GALC: variants seen among roughly 807,000 people sequenced by gnomAD.
GALC encodes galactocerebrosidase.
GALC carries 77 observed loss-of-function variants against 91.8 expected under a neutral mutation model. That is an observed-to-expected ratio of 0.84 (90% CI 0.70 to 1.01). The LOEUF (loss-of-function observed/expected upper bound fraction) is 1.01. Ranked by LOEUF, GALC falls within the 50% of genes least tolerant of loss-of-function variation. The probability of loss-of-function intolerance (pLI) is 0.00; values close to 1 mark genes in which losing one functional copy is unlikely to be tolerated. For missense variants in GALC, 882 were observed against 855.9 expected, an observed-to-expected ratio of 1.03 and a Z score of -0.38; for synonymous variants, 357 against 306.7, an observed-to-expected ratio of 1.16 and a Z score of -1.71.
chr14:87,960,911 CA>C (rs1885775610), intron 10 of GALC, among the ~76,000 whole-genome samples: 1 of 152,016 alleles, frequency 6.6e-6, no homozygotes, highest in African/African-American at 2.4e-5. Flanking sequence ...TTGAATTAGG[CA>C]ATAGCTTCTT....
At chr14:87,955,275 C>T (rs17686916) in intron 10 of GALC, 90,689 of 733,604 alleles carry the variant, frequency 0.12, 6,462 homozygotes, top group Non-Finnish European at 0.15. Context: ...AGTAAATAAA[C>T]GATAGGGTTT....
At chr14:87,981,012 C>A (rs1193642953) in intron 6 of GALC, among the ~76,000 whole-genome samples, 1 of 152,140 alleles carries the variant, frequency 6.6e-6, no homozygotes, top group African/African-American at 2.4e-5. Context: ...GGTAGATACC[C>A]AGTAGCAGGA....
intron 10 of GALC, among the ~76,000 whole-genome samples, chr14:87,963,119 T>C (rs1885878847): frequency 6.6e-6 from 1 of 152,082 alleles, no homozygotes; most frequent in Non-Finnish European, 1.5e-5. Context: ...TCCACAAATA[T>C]TGGTACACAG....
intron 10 of GALC, chr14:87,955,056 C>T: frequency 7.4e-7 from 1 of 1,343,812 alleles, no homozygotes; most frequent in East Asian, 2.3e-5. Context: ...TGTTACACTC[C>T]TTGTCGGCAG....
Position 87,954,620 on chromosome 14 carries a change from T to C in GALC, c.1162-3872A>G, listed in dbSNP as rs369890475. 2.1e-5 allele frequency: 33 copies of C among 1,589,504 alleles called. 3 individuals carry two copies. Among genetic ancestry groups the C allele is most frequent in the Middle Eastern group, 3.4e-4 (2 of 5,922 alleles). ...AAGTGCACCTTCCTTTTGGAAGATA[T>C]CAGACTTAGCAACCCACCTAGAGGA... On this transcript the variant is annotated intron_variant, in intron 10 of 16. Coordinates refer to ENST00000261304, the MANE Select transcript of GALC (RefSeq NM_000153.4).
intron 7 of GALC, among the ~76,000 whole-genome samples, chr14:87,971,350 C>T (rs1290969898): frequency 6.6e-6 from 1 of 152,152 alleles, no homozygotes; most frequent in East Asian, 1.9e-4. Context: ...AAGATGGGAA[C>T]ATCTTCACAG....
chr14:87,939,778 C>A (rs1884755318), intron 16 of GALC, 127 bp downstream of exon 16: 10 of 781,584 alleles, frequency 1.3e-5, no homozygotes, highest in Non-Finnish European at 1.8e-5. Flanking sequence ...CTTCCCGGCA[C>A]CAAGGCAGAT....
intron 16 of GALC, 89 bp downstream of exon 16, chr14:87,939,816 A>G (rs1884758031): frequency 1.1e-6 from 1 of 948,644 alleles, no homozygotes. Context: ...TATATGTCAC[A>G]CTTTCCCCCT....
chr14:87,941,387 T>G lies in GALC; in HGVS notation c.1834+8A>C. 2 of 1,519,648 alleles carry G rather than the reference T, an allele frequency of 1.3e-6. No homozygotes were observed. Among genetic ancestry groups the G allele is most frequent in the Admixed American group, 2.0e-5 (1 of 50,374 alleles). The allele number at this position is 1,519,648 out of a possible 1,614,324, so 94.1% of individuals were successfully genotyped here. A position where few individuals can be genotyped will look rare whatever the true frequency, so the allele number is the denominator to read the frequency against. The stretch of plus-strand genomic sequence containing the variant: ...CATATGCTATTAAAAAAAAAAAAAG[T>G]CAGTTACCTAAATCACCTGTAACCC... On this transcript the variant is annotated splice_region_variant and intron_variant, in intron 15 of 16. Transcript: ENST00000261304.
chr14:87,947,790 C>T lies in GALC; in HGVS notation c.1427G>A (p.Ser476Asn), dbSNP rs1414873125. 2.5e-6 allele frequency: 4 copies of T among 1,612,842 alleles called. No homozygotes were observed. The highest frequency in any genetic ancestry group is 3.4e-6 in the Non-Finnish European group (4 of 1,179,292). The change falls in exon 13 of 17, where the codon AGC (serine) becomes AAC (asparagine). Residue 476 changes from serine to asparagine, a missense_variant. Physicochemically the swap from Ser to Asn is conservative, Grantham distance 46. Coordinates refer to ENST00000261304, the MANE Select transcript of GALC (RefSeq NM_000153.4). ...LTTLTTGRKG[S>N]YPLPPKSQPF... ...CTGGGATTTTGGAGGAAGCGGGTAG[C>T]TGCCTTTGCGACCAGTGGTGAGAGT...
Position 87,934,568 on chromosome 14 carries a change from T to G in GALC, c.*164A>C. On this transcript the variant is annotated 3_prime_UTR_variant, in exon 17 of 17. Coordinates refer to ENST00000261304, the MANE Select transcript of GALC (RefSeq NM_000153.4). Reference sequence around the variant, plus strand: ...CCTTGGAATTAATTCTAATAAAATCTTCCACAGGGTAAATTAAAAATAAAT... The same window carrying G: ...CCTTGGAATTAATTCTAATAAAATCGTCCACAGGGTAAATTAAAAATAAAT... 1.4e-6 allele frequency: 2 copies of G among 1,480,394 alleles called. No homozygotes were observed. The highest frequency in any genetic ancestry group is 2.7e-5 in the South Asian group (2 of 73,948). 91.7% of individuals were successfully genotyped at this position (1,480,394 alleles called of 1,614,324 possible).
chr14:87,937,639 T>C (rs192204777), intron 16 of GALC, among the ~76,000 whole-genome samples: 45 of 151,700 alleles, frequency 3.0e-4, no homozygotes, highest in Non-Finnish European at 5.2e-4. Context: ...AGTGGCTGTA[T>C]CAGAAGTACA....
At position 87,934,163 on chromosome 14, in the gene GALC, A is replaced by G. The variant is rs547899594; in HGVS notation, c.*569T>C. 118 of 1,411,268 alleles carry G rather than the reference A, an allele frequency of 8.4e-5. No homozygotes were observed. The highest frequency in any genetic ancestry group is 1.0e-4 in the Non-Finnish European group (113 of 1,086,654). The allele number at this position is 1,411,268 out of a possible 1,614,324, so 87.4% of individuals were successfully genotyped here. A position where few individuals can be genotyped will look rare whatever the true frequency, so the allele number is the denominator to read the frequency against. On this transcript the variant is annotated 3_prime_UTR_variant, in exon 17 of 17. Transcript: ENST00000261304. ...AGGCATTTTTAAAATCATCCCACTC[A>G]TCATATCCTGCATTTCAAAAGTATC...
Position 87,955,291 on chromosome 14 carries a change from T to C in GALC, c.1162-4543A>G, listed in dbSNP as rs1885484073. 4.6e-6 allele frequency: 3 copies of C among 654,584 alleles called. No homozygotes were observed. The South Asian group carries it at 5.5e-5, about 12-fold the overall frequency. 40.5% of individuals were successfully genotyped at this position (654,584 alleles called of 1,614,324 possible). ...GTAAATAAACGATAGGGTTTTTGCT[T>C]TGGATTTTTTATTAAATACATTTTA... On this transcript the variant is annotated intron_variant, in intron 10 of 16. Coordinates refer to ENST00000261304, the MANE Select transcript of GALC (RefSeq NM_000153.4).
At chr14:87,937,782 CA>C (rs1204596406) in intron 16 of GALC, among the ~76,000 whole-genome samples, 2 of 151,328 alleles carry the variant, frequency 1.3e-5, no homozygotes, top group African/African-American at 2.4e-5. Context: ...TTCATGATTT[CA>C]AAAAAACTCA....
chr14:87,941,784 A>G (rs1884865998), intron 14 of GALC, among the ~76,000 whole-genome samples: 1 of 152,014 alleles, frequency 6.6e-6, no homozygotes, highest in South Asian at 2.1e-4. Flanking sequence ...TGATTACTGG[A>G]CAATAATAGT....
At chr14:87,991,718 G>T (rs1410192079) in intron 1 of GALC, among the ~76,000 whole-genome samples, 1 of 152,164 alleles carries the variant, frequency 6.6e-6, no homozygotes, top group Non-Finnish European at 1.5e-5. Flanking sequence ...ACTAATAATT[G>T]TATATTCTAT....
At chr14:87,946,887 T>G (rs918574620) in intron 13 of GALC, among the ~76,000 whole-genome samples, 1 of 151,950 alleles carries the variant, frequency 6.6e-6, no homozygotes, top group East Asian at 1.9e-4. Flanking sequence ...TCCAGCCAAC[T>G]AGATCATTTC....
At chr14:87,993,248 G>C, upstream of GALC, 1 of 1,542,136 alleles carries the variant, frequency 6.5e-7, no homozygotes, top group Non-Finnish European at 8.7e-7. Flanking sequence ...CGCTGATGCT[G>C]ACGCCGCCGC....
Sources: allele counts gnomAD v4.1 joint callset (sites outside exome capture counted in the v4.1 genomes callset), GRCh38; gene constraint gnomAD v4.1.1; transcripts MANE v1.5; gene names NCBI Gene and HGNC (gene_info 2026-07-23, HGNC 2026-07-21).